The following KAT2B variants were observed in gnomAD, a reference collection of about 807,000 sequenced individuals.
The protein encoded by KAT2B is histone acetyltransferase KAT2B.
In KAT2B, 36 loss-of-function variants were observed where a neutral mutation model predicts 105.9. The observed-to-expected ratio is 0.34, with a 90% CI of 0.26 to 0.45. The LOEUF is 0.45. KAT2B is among the 20% of genes least tolerant of loss of function. The pLI is 1.00. For synonymous variants in KAT2B, 397 were observed against 377.9 expected (o/e 1.05, Z -0.59); for missense variants, 820 against 1,021.6 (o/e 0.80, Z 2.69).
chr3:20,056,048 G>T (rs1046064444), intron 1 of KAT2B, among the ~76,000 whole-genome samples: 2 of 152,142 alleles, frequency 1.3e-5, no homozygotes, highest in African/African-American at 2.4e-5. Context: ...TGGACATCTG[G>T]GCTGTTTCCA....
chr3:20,135,448 A>T (rs1365264067), intron 11 of KAT2B, among the ~76,000 whole-genome samples: 1 of 152,090 alleles, frequency 6.6e-6, no homozygotes, highest in African/African-American at 2.4e-5. Flanking sequence ...AGGTCAGGAG[A>T]TCGAGACTAT....
intron 13 of KAT2B, among the ~76,000 whole-genome samples, chr3:20,145,551 TTA>T (rs1699768907): frequency 7.6e-6 from 1 of 131,448 alleles, no homozygotes; most frequent in South Asian, 2.6e-4. Flanking sequence ...TGGGATTTTT[TTA>T]GTTTTTTTTT....
At chr3:20,143,686 G>T (rs184951165) in intron 13 of KAT2B, among the ~76,000 whole-genome samples, 2 of 152,290 alleles carry the variant, frequency 1.3e-5, no homozygotes, top group East Asian at 3.9e-4. Context: ...TATACACCAT[G>T]GAATATTATG....
chr3:20,093,094 C>T (rs4435661), intron 2 of KAT2B, among the ~76,000 whole-genome samples: 43,893 of 152,096 alleles, frequency 0.29, 6,463 homozygotes, highest in East Asian at 0.44. Flanking sequence ...CCTCTTAACT[C>T]TCTGAAAATG....
At chr3:20,124,603 A>G (rs897684275) in intron 9 of KAT2B, among the ~76,000 whole-genome samples, 2 of 152,198 alleles carry the variant, frequency 1.3e-5, no homozygotes, top group Non-Finnish European at 2.9e-5. Flanking sequence ...GCATTTCAGC[A>G]TGAGATTTGG....
rs1559518475 is a variant in KAT2B at position 20,072,344 on chromosome 3, T to C, written c.315T>C (p.Ser105=). The C allele has an allele frequency of 1.9e-6, 3 of 1,613,614 alleles. No individual in the cohort carries two copies. Reference sequence around the variant, plus strand: ...TATTCCATTTTTAGGCCGAGGAGTCTTGTAAATGTAATGGCTGGAAAAACC... The same window carrying C: ...TATTCCATTTTTAGGCCGAGGAGTCCTGTAAATGTAATGGCTGGAAAAACC... ...GVYSACKAEE[S]CKCNGWKNPN... The change falls in exon 2 of 18, where the codon TCT becomes TCC. Residue 105 remains serine, a synonymous_variant. Transcript: ENST00000263754.
intron 9 of KAT2B, among the ~76,000 whole-genome samples, chr3:20,125,366 A>G (rs6550356): frequency 0.062 from 9,368 of 151,976 alleles, 955 homozygotes; most frequent in African/African-American, 0.21. Flanking sequence ...TGTAATGAGA[A>G]TTTGAATCTG....
chr3:20,074,808 A>G (rs528875184), intron 2 of KAT2B, among the ~76,000 whole-genome samples: 6 of 152,166 alleles, frequency 3.9e-5, no homozygotes, highest in Non-Finnish European at 8.8e-5. Context: ...GTATTGGTTC[A>G]GGATTTAAAT....
intron 9 of KAT2B, among the ~76,000 whole-genome samples, chr3:20,125,390 C>T (rs1699383788): frequency 6.6e-6 from 1 of 151,864 alleles, no homozygotes; most frequent in Non-Finnish European, 1.5e-5. Context: ...TCTCAAGGGT[C>T]CTTAAAGCTC....
intron 10 of KAT2B, among the ~76,000 whole-genome samples, chr3:20,127,043 G>T (rs1170947945): frequency 6.6e-6 from 1 of 152,064 alleles, no homozygotes; most frequent in African/African-American, 2.4e-5. Flanking sequence ...GTAATATTTT[G>T]GAGTAAGACT....
chr3:20,060,037 A>G (rs766994810), intron 1 of KAT2B, among the ~76,000 whole-genome samples: 5 of 152,214 alleles, frequency 3.3e-5, no homozygotes, highest in Non-Finnish European at 7.3e-5. Flanking sequence ...TTTGAGATAC[A>G]TCCATGTTGT....
chr3:20,133,796 A>G (rs1485619063), intron 11 of KAT2B, among the ~76,000 whole-genome samples: 2 of 152,184 alleles, frequency 1.3e-5, no homozygotes, highest in Non-Finnish European at 2.9e-5. Flanking sequence ...GGCACTGGGT[A>G]CATAAACTGT....
intron 9 of KAT2B, 95 bp downstream of exon 9, chr3:20,122,899 T>G: frequency 6.7e-7 from 1 of 1,484,654 alleles, no homozygotes; most frequent in Non-Finnish European, 9.0e-7. Flanking sequence ...TGCTGAGAGT[T>G]AACATGTTAT....
chr3:20,097,784 C>T (rs886703888), intron 3 of KAT2B, among the ~76,000 whole-genome samples: 1 of 152,094 alleles, frequency 6.6e-6, no homozygotes, highest in East Asian at 1.9e-4. Flanking sequence ...TGATCTCCCC[C>T]CTCGGCCTTC....
intron 5 of KAT2B, among the ~76,000 whole-genome samples, chr3:20,101,698 T>C (rs1698914440): frequency 6.6e-6 from 1 of 152,194 alleles, no homozygotes; most frequent in African/African-American, 2.4e-5. Flanking sequence ...CCACTAGCTA[T>C]ATGAGCACTT....
At chr3:20,094,704 T>G (rs1698779677) in intron 2 of KAT2B, among the ~76,000 whole-genome samples, 1 of 152,188 alleles carries the variant, frequency 6.6e-6, no homozygotes, top group Non-Finnish European at 1.5e-5. Context: ...GTGGGGACTT[T>G]GCAGCAGACA....
chr3:20,088,447 C>G (rs372440670), intron 2 of KAT2B, among the ~76,000 whole-genome samples: 1 of 152,212 alleles, frequency 6.6e-6, no homozygotes. Context: ...AATAGCTATC[C>G]TGAGCGTGAA....
intron 8 of KAT2B, among the ~76,000 whole-genome samples, chr3:20,120,101 A>G (rs1285970849): frequency 6.6e-6 from 1 of 152,044 alleles, no homozygotes; most frequent in Non-Finnish European, 1.5e-5. Flanking sequence ...TTTTCCTGGG[A>G]CTATTGGGCT....
chr3:20,043,112 C>T (rs9840832), intron 1 of KAT2B, among the ~76,000 whole-genome samples: 12,653 of 151,988 alleles, frequency 0.083, 925 homozygotes, highest in African/African-American at 0.2. Context: ...ACCTTGTTGC[C>T]CAGGCTGTTC....
Sources: gnomAD v4.1 joint callset for allele counts (sites outside exome capture counted in the v4.1 genomes callset) on GRCh38, gnomAD v4.1.1 for gene constraint, MANE v1.5 for transcripts, NCBI Gene and HGNC (gene_info 2026-07-23, HGNC 2026-07-21) for gene names.